The following TMEM132C variants were observed in gnomAD, a reference collection of about 807,000 sequenced individuals.
The protein encoded by TMEM132C is transmembrane protein 132C.
A neutral mutation model predicts 61.4 loss-of-function variants in TMEM132C; 29 were observed. That is an observed-to-expected ratio of 0.47 (90% CI 0.35 to 0.64). The LOEUF is 0.64. Among genes scored for constraint, TMEM132C ranks in the 30% least tolerant of loss-of-function variants. The pLI is 0.00. For missense variants in TMEM132C, 1,408 were observed against 1,476.9 expected, an observed-to-expected ratio of 0.95 and a Z score of 0.76; for synonymous variants, 656 against 633.1, an observed-to-expected ratio of 1.04 and a Z score of -0.54.
At position 128,376,034 on chromosome 12, in the gene TMEM132C, G is replaced by C. The variant is rs559009218; in HGVS notation, c.86-38698G>C. 7.7e-4 allele frequency among the ~76,000 whole-genome samples: 117 copies of C among 152,308 alleles called. 1 individual carries two copies. The highest frequency in any genetic ancestry group is 2.3e-3 in the African/African-American group (94 of 41,574). ...GCGGTGGGAAGCTTCAGAGTTTCAA[G>C]CGGGGCTTTGCTATGGGTTTGTTCT... On this transcript the variant is annotated intron_variant, in intron 1 of 8. Transcript: ENST00000435159.
chr12:128,616,020 G>T (rs1044054618), intron 3 of TMEM132C, 132 bp from the exon 4 acceptor site: 2 of 1,115,404 alleles, frequency 1.8e-6, no homozygotes, highest in Non-Finnish European at 2.5e-6. Flanking sequence ...CATGCCCCAG[G>T]ATCCCCCACC....
chr12:128,662,178 A>G (rs1350621196), intron 4 of TMEM132C, among the ~76,000 whole-genome samples: 2 of 152,180 alleles, frequency 1.3e-5, no homozygotes, highest in African/African-American at 2.4e-5. Context: ...ACTTGTTTTT[A>G]TTTTATTTTC....
Position 128,433,394 on chromosome 12 carries a change from T to G in TMEM132C, c.974+17774T>G, listed in dbSNP as rs964103670. ...TGTCTTTCTTGTGAAAGCTTTCCCCTTCTGCTCCCTCCATAAGCTCTGAAC... is the reference window on the plus strand; with the variant it reads ...TGTCTTTCTTGTGAAAGCTTTCCCCGTCTGCTCCCTCCATAAGCTCTGAAC... On this transcript the variant is annotated intron_variant, in intron 2 of 8. Transcript: ENST00000435159. 4.3e-4 allele frequency among the ~76,000 whole-genome samples: 65 copies of G among 152,206 alleles called. 2 individuals carry two copies. The highest frequency in any genetic ancestry group is 3.2e-3 in the Middle Eastern group (1 of 316).
intron 3 of TMEM132C, among the ~76,000 whole-genome samples, chr12:128,548,205 T>C (rs1874030637): frequency 6.6e-6 from 1 of 152,188 alleles, no homozygotes; most frequent in African/African-American, 2.4e-5. Context: ...TCCCTAAAAT[T>C]GCTTGAAAAT....
At chr12:128,653,854 G>A (rs905501178) in intron 4 of TMEM132C, among the ~76,000 whole-genome samples, 4 of 152,126 alleles carry the variant, frequency 2.6e-5, no homozygotes, top group Non-Finnish European at 5.9e-5. Context: ...GCTCAGAGGG[G>A]CTGACACAGG....
intron 3 of TMEM132C, among the ~76,000 whole-genome samples, chr12:128,605,656 C>G (rs1394553166): frequency 1.3e-5 from 2 of 152,172 alleles, no homozygotes; most frequent in Non-Finnish European, 2.9e-5. Context: ...GTCAAACCAC[C>G]TCCTGAGGCA....
At chr12:128,296,557 C>T (rs1871422235) in intron 1 of TMEM132C, among the ~76,000 whole-genome samples, 1 of 152,194 alleles carries the variant, frequency 6.6e-6, no homozygotes, top group South Asian at 2.1e-4. Context: ...TTAATTTCCT[C>T]TCTGTCTTTC....
rs974174274 is a variant in TMEM132C, at chr12:128,695,909, G to T, written c.1735G>T (p.Val579Leu). The T allele has an allele frequency of 6.4e-7, 1 of 1,551,660 alleles. No individual in the cohort carries two copies. The highest frequency in any genetic ancestry group is 8.7e-7 in the Non-Finnish European group (1 of 1,146,998). ...CGCACTGCAATACCAGCACGCCACC[G>T]TGCGGGTCCTCACCCAGTTTGTGTC... ...GCALQYQHAT[V>L]RVLTQFVSEG... The change falls in exon 7 of 9, where the codon GTG becomes TTG. Residue 579 changes from valine (V) to leucine (L), a missense_variant. Coordinates refer to ENST00000435159, the MANE Select transcript of TMEM132C (RefSeq NM_001136103.3).
chr12:128,385,880 A>G (rs980855757), intron 1 of TMEM132C, among the ~76,000 whole-genome samples: 9 of 152,128 alleles, frequency 5.9e-5, no homozygotes, highest in Non-Finnish European at 1.3e-4. Flanking sequence ...TGTCTGCTCC[A>G]TGAGTTGCTG....
chr12:128,600,159 T>C (rs920576198), intron 3 of TMEM132C, among the ~76,000 whole-genome samples: 4 of 152,094 alleles, frequency 2.6e-5, no homozygotes, highest in African/African-American at 9.7e-5. Context: ...ATTTTTTGTA[T>C]TTTTAGTAGA....
At chr12:128,456,274 T>C (rs181337638) in intron 2 of TMEM132C, among the ~76,000 whole-genome samples, 10 of 151,932 alleles carry the variant, frequency 6.6e-5, no homozygotes, top group African/African-American at 2.4e-4. Flanking sequence ...GTGATTTGCG[T>C]GGACTTTTCT....
At chr12:128,500,574 C>A (rs1872136721) in intron 2 of TMEM132C, among the ~76,000 whole-genome samples, 1 of 151,854 alleles carries the variant, frequency 6.6e-6, no homozygotes, top group Non-Finnish European at 1.5e-5. Flanking sequence ...CACAAATGTC[C>A]AATATGTATA....
chr12:128,577,559 C>T (rs1193965568), intron 3 of TMEM132C, among the ~76,000 whole-genome samples: 30 of 152,222 alleles, frequency 2.0e-4, no homozygotes, highest in Non-Finnish European at 3.4e-4. Flanking sequence ...CGTTCTGTCC[C>T]CAAGCCTTGA....
At chr12:128,511,404 G>A (rs892117862) in intron 2 of TMEM132C, among the ~76,000 whole-genome samples, 4 of 152,306 alleles carry the variant, frequency 2.6e-5, no homozygotes, top group East Asian at 1.9e-4. Context: ...CCAAACCATC[G>A]TTAGGTTTGA....
At chr12:128,550,093 C>T (rs1874115114) in intron 3 of TMEM132C, among the ~76,000 whole-genome samples, 1 of 152,222 alleles carries the variant, frequency 6.6e-6, no homozygotes, top group African/African-American at 2.4e-5. Context: ...CTAGGGCTGC[C>T]TGAACAAAAT....
chr12:128,647,202 G>A lies in TMEM132C; in HGVS notation c.1306-22215G>A, dbSNP rs186267931. On this transcript the variant is annotated intron_variant, in intron 4 of 8. Coordinates refer to ENST00000435159, the MANE Select transcript of TMEM132C (RefSeq NM_001136103.3). ...AGTGTGTTTACTGGAGTCCATCAGC[G>A]TTGGATGTGTGTTTACTAGATCCCA... is the stretch of plus-strand genomic sequence containing the variant. 3.2e-3 allele frequency among the ~76,000 whole-genome samples: 467 copies of A among 147,108 alleles called. 7 individuals carry two copies. The highest frequency in any genetic ancestry group is 0.011 in the African/African-American group (423 of 39,788).
intron 1 of TMEM132C, among the ~76,000 whole-genome samples, chr12:128,413,312 A>AAAAAC (rs1336754328): frequency 2.0e-5 from 3 of 150,824 alleles, no homozygotes; most frequent in Admixed American, 6.6e-5. Flanking sequence ...AAAAAAAAAA[A>AAAAAC]AAAAAAAAAC....
intron 1 of TMEM132C, among the ~76,000 whole-genome samples, chr12:128,275,390 T>C (rs1870655695): frequency 6.6e-6 from 1 of 152,180 alleles, no homozygotes; most frequent in South Asian, 2.1e-4. Flanking sequence ...GGGGCCTAGG[T>C]TGCATGCTCC....
At chr12:128,378,642 G>C (rs775836445) in intron 1 of TMEM132C, among the ~76,000 whole-genome samples, 23 of 152,144 alleles carry the variant, frequency 1.5e-4, no homozygotes, top group Non-Finnish European at 2.5e-4. Flanking sequence ...ATAGTAATGC[G>C]TATTCCTCCA....
Sources: allele counts gnomAD v4.1 joint callset (sites outside exome capture counted in the v4.1 genomes callset), GRCh38; gene constraint gnomAD v4.1.1; transcripts MANE v1.5; gene names NCBI Gene and HGNC (gene_info 2026-07-23, HGNC 2026-07-21).